Variants in ANAPC2 observed in about 807,000 individuals in gnomAD.
ANAPC2 encodes the protein anaphase-promoting complex subunit 2.
A neutral mutation model predicts 84.3 loss-of-function variants in ANAPC2; 29 were observed. That is an observed-to-expected ratio of 0.34 (90% CI 0.26 to 0.47). ANAPC2 has a LOEUF of 0.47. Ranked by LOEUF, ANAPC2 falls within the 20% of genes least tolerant of loss-of-function variation. The probability of loss-of-function intolerance (pLI) is 1.00; values close to 1 mark genes in which losing one functional copy is unlikely to be tolerated. For synonymous variants in ANAPC2, 571 were observed against 479.4 expected (o/e 1.19, Z -2.50); for missense variants, 857 against 1,131.7 (o/e 0.76, Z 3.48).
At position 137,175,001 on chromosome 9, in the gene ANAPC2, G is replaced by C. The variant is rs753601681; in HGVS notation, c.2410C>G (p.Arg804Gly). 6.2e-7 allele frequency: 1 copy of C among 1,604,240 alleles called. No homozygotes were observed. The highest frequency in any genetic ancestry group is 8.5e-7 in the Non-Finnish European group (1 of 1,176,506). ...ELQGYLQKKV[R>G]DQQLVYSAGV... Reference sequence around the variant, plus strand: ...GCCGAGTAGACGAGCTGCTGGTCCCGCACCTTCTTCTGCAGGTAGCCCTGC... The same window carrying C: ...GCCGAGTAGACGAGCTGCTGGTCCCCCACCTTCTTCTGCAGGTAGCCCTGC... The change falls in exon 13 of 13, where the codon CGG (arginine) becomes GGG (glycine). Residue 804 changes from arginine to glycine, a missense_variant. Arg to Gly is a moderately radical substitution (Grantham distance 125). Around this residue, in one of 3 missense-constraint regions of ANAPC2, gnomAD observed 425 missense variants for 595.5 expected, o/e 0.71. Transcript: ENST00000323927.
intron 6 of ANAPC2, among the ~76,000 whole-genome samples, chr9:137,182,737 G>A (rs1408432660): frequency 6.6e-6 from 1 of 152,178 alleles, no homozygotes; most frequent in Non-Finnish European, 1.5e-5. Flanking sequence ...ACAGCCCCAG[G>A]AGTGTCTGTT....
At chr9:137,183,954 G>A (rs997962520) in intron 4 of ANAPC2, among the ~76,000 whole-genome samples, 163 bp from the exon 5 acceptor site, 1 of 152,204 alleles carries the variant, frequency 6.6e-6, no homozygotes, top group Non-Finnish European at 1.5e-5. Context: ...ACTCTGGCGT[G>A]CTGATGCATT....
chr9:137,188,216 G>C (rs1391273455), intron 1 of ANAPC2, 113 bp from the exon 2 acceptor site: 13 of 1,422,922 alleles, frequency 9.1e-6, no homozygotes, highest in Middle Eastern at 2.0e-4. Flanking sequence ...CCCTGTCCGT[G>C]CTGCCCGGAC....
chr9:137,183,209 A>G lies in ANAPC2; in HGVS notation c.1202T>C (p.Ile401Thr), dbSNP rs775270106. ...VNTCDIITLY[I>T]SAIKALRVLD... ...CACGCGCAGCGCCTTGATGGCAGAG[A>G]TATAGAGGGTGATGATGTCACACGT... The change falls in exon 6 of 13, where the codon ATC (isoleucine) becomes ACC (threonine). Residue 401 changes from isoleucine to threonine, a missense_variant. Around this residue, in one of 3 missense-constraint regions of ANAPC2, gnomAD observed 425 missense variants for 595.5 expected, o/e 0.71. Transcript: ENST00000323927. 6.2e-7 allele frequency: 1 copy of G among 1,613,198 alleles called. No homozygotes were observed. The highest frequency in any genetic ancestry group is 1.1e-5 in the South Asian group (1 of 91,088).
At chr9:137,188,307 A>G in intron 1 of ANAPC2, 109 bp downstream of exon 1, 3 of 1,346,772 alleles carry the variant, frequency 2.2e-6, no homozygotes, top group Non-Finnish European at 3.0e-6. Context: ...GCAGGACAGG[A>G]CAGAGGCGGA....
intron 2 of ANAPC2, 79 bp from the exon 3 acceptor site, chr9:137,186,435 G>A (rs2131341620): frequency 1.3e-6 from 2 of 1,506,148 alleles, no homozygotes; most frequent in East Asian, 2.5e-5. Context: ...TGCCAGGACT[G>A]CCCTGCCTGT....
intron 6 of ANAPC2, 128 bp from the exon 7 acceptor site, chr9:137,181,990 G>T (rs1406971293): frequency 3.1e-6 from 3 of 974,010 alleles, no homozygotes; most frequent in Non-Finnish European, 4.4e-6. Context: ...GTGGTGATGG[G>T]CTATGTACTA....
At position 137,187,534 on chromosome 9, in the gene ANAPC2, T is replaced by C. The variant is rs1588766618; in HGVS notation, c.687A>G (p.Gln229=). ...PLCAGCSSDK[Q]QCWCRQALEQ... ...CCAGAGCCTGGCGACACCAGCACTG[T>C]TGCTTGTCACTGCTGCACCCTGCAC... Residue 229 remains glutamine, a synonymous_variant, in exon 2 of 13, where the codon CAA becomes CAG. Transcript: ENST00000323927. The C allele has an allele frequency of 6.2e-7, 1 of 1,613,566 alleles. No individual in the cohort carries two copies. The highest frequency in any genetic ancestry group is 8.5e-7 in the Non-Finnish European group (1 of 1,179,750).
In ANAPC2 at chr9:137,187,873, G is replaced by A. The variant is rs1346036789; in HGVS notation, c.348C>T (p.Gly116=). 2 of 1,613,680 alleles carry A rather than the reference G, an allele frequency of 1.2e-6. No individual in the cohort carries two copies. The highest frequency in any genetic ancestry group is 1.1e-5 in the South Asian group (1 of 91,090). Residue 116 remains glycine (G), a synonymous_variant, in exon 2 of 13, where the codon GGC becomes GGT. Coordinates refer to ENST00000323927, the MANE Select transcript of ANAPC2 (RefSeq NM_013366.4). Reference sequence around the variant, plus strand: ...AGGGATCCAGGCGGCTCTCCAGCAGGCCAAAAGCGTCAAGGAGTAGCAAAA... The same window carrying A: ...AGGGATCCAGGCGGCTCTCCAGCAGACCAAAAGCGTCAAGGAGTAGCAAAA... ...QCLLLLLDAF[G]LLESRLDPYL...
chr9:137,186,246 G>C lies in ANAPC2; in HGVS notation c.851C>G (p.Ser284Cys). The part of the protein sequence containing the change: ...EDRCRGEYER[S>C]FLREFHKWIE... ...CACCTTGTGGAACTCACGCAGGAAG[G>C]AGCGCTCGTACTCGCCCCGGCAACG... Residue 284 changes from serine to cysteine, a missense_variant, in exon 3 of 13, where the codon TCC becomes TGC. Transcript: ENST00000323927. The C allele has an allele frequency of 6.2e-7, 1 of 1,612,628 alleles. No individual in the cohort carries two copies.
Position 137,188,475 on chromosome 9 carries a change from A to G in ANAPC2, c.58T>C (p.Leu20=). ...CTCACGGTGTTCCAGGCCACTAACA[A>G]CTCCTGTCCGGGCCGGGAGTCGCTG... ...GDSDSRPGQE[L]LVAWNTVSTG... The change falls in exon 1 of 13, where the codon TTG becomes CTG. Residue 20 remains leucine, a synonymous_variant. Coordinates refer to ENST00000323927, the MANE Select transcript of ANAPC2 (RefSeq NM_013366.4). 1 of 1,608,448 alleles carries G rather than the reference A, an allele frequency of 6.2e-7. No individual in the cohort carries two copies. The highest frequency in any genetic ancestry group is 2.2e-5 in the East Asian group (1 of 44,604).
At position 137,181,033 on chromosome 9, in the gene ANAPC2, C is replaced by T. The variant is rs1248892786; in HGVS notation, c.1469-104G>A. 33 of 1,455,334 alleles carry T rather than the reference C, an allele frequency of 2.3e-5. No individual in the cohort carries two copies. In the East Asian group the frequency reaches 6.9e-4, roughly 30 times the overall value. 90.2% of individuals were successfully genotyped at this position (1,455,334 alleles called of 1,614,324 possible). A position where few individuals can be genotyped will look rare whatever the true frequency, so the allele number is the denominator to read the frequency against. On this transcript the variant is annotated intron_variant, in intron 7 of 12. Coordinates refer to ENST00000323927, the MANE Select transcript of ANAPC2 (RefSeq NM_013366.4). ...CCAGACGGCACAGCCCAGCATGGCT[C>T]TTCCTGAAGGCCCTCGAGGCTGGGA...
intron 12 of ANAPC2, 37 bp from the exon 13 acceptor site, chr9:137,175,191 G>A (rs1462715775): frequency 2.5e-6 from 4 of 1,603,270 alleles, no homozygotes; most frequent in Admixed American, 3.4e-5. Flanking sequence ...GGCACCTGCA[G>A]GCCTCGCCCC....
chr9:137,182,651 G>A (rs1488452098), intron 6 of ANAPC2, among the ~76,000 whole-genome samples: 5 of 152,206 alleles, frequency 3.3e-5, no homozygotes, highest in Non-Finnish European at 7.3e-5. Context: ...CCAGCCCCGG[G>A]CCAGGGCCTC....
chr9:137,177,855 G>C (rs1025005809), intron 10 of ANAPC2, among the ~76,000 whole-genome samples: 2 of 152,164 alleles, frequency 1.3e-5, no homozygotes, highest in Non-Finnish European at 2.9e-5. Context: ...CATCACGGGC[G>C]ACGCGGCAGA....
At chr9:137,182,881 G>A (rs1471294586) in intron 6 of ANAPC2, among the ~76,000 whole-genome samples, 1 of 152,230 alleles carries the variant, frequency 6.6e-6, no homozygotes, top group Admixed American at 6.5e-5. Flanking sequence ...CTGAGGAAGG[G>A]CTGTGGTGGG....
chr9:137,186,228 T>A lies in ANAPC2; in HGVS notation c.869A>T (p.His290Leu). 1 of 1,612,638 alleles carries A rather than the reference T, an allele frequency of 6.2e-7. No individual in the cohort carries two copies. Among genetic ancestry groups the A allele is most frequent in the South Asian group, 1.1e-5 (1 of 91,076 alleles). The change falls in exon 3 of 13, where the codon CAC (histidine) becomes CTC (leucine). Residue 290 changes from histidine to leucine, a missense_variant. Physicochemically the swap from His to Leu is moderately conservative, Grantham distance 99. Transcript: ENST00000323927. The stretch of plus-strand genomic sequence containing the variant: ...GCCCAAGGGAGGGGTCCTCACCTTG[T>A]GGAACTCACGCAGGAAGGAGCGCTC... ...EYERSFLREFHKWIERVVGWL... is the reference protein window; with the variant it reads ...EYERSFLREFLKWIERVVGWL...
Position 137,183,736 on chromosome 9 carries a change from C to T in ANAPC2, c.1104G>A (p.Thr368=), listed in dbSNP as rs147557615. Residue 368 remains threonine (T), a synonymous_variant, in exon 5 of 13, where the codon ACG becomes ACA. Transcript: ENST00000323927. ...IEDLKYCLER[T]DQRQQLLVSL... is the part of the protein sequence containing the mutation. Reference sequence around the variant, plus strand: ...ACACGAGCAGCTGCTGCCTCTGGTCCGTCCTCTCCAGGCAGTACTTGAGGT... The same window carrying T: ...ACACGAGCAGCTGCTGCCTCTGGTCTGTCCTCTCCAGGCAGTACTTGAGGT... The T allele has an allele frequency of 2.7e-5, 44 of 1,613,158 alleles. No homozygotes were observed. The highest frequency in any genetic ancestry group is 1.6e-4 in the Middle Eastern group (1 of 6,084).
At chr9:137,182,518 A>AT (rs1834365881) in intron 6 of ANAPC2, among the ~76,000 whole-genome samples, 2 of 152,012 alleles carry the variant, frequency 1.3e-5, no homozygotes, top group African/African-American at 4.8e-5. Context: ...CAAAAAAAAA[A>AT]GAAAAAACAA....
Sources: allele counts gnomAD v4.1 joint callset (sites outside exome capture counted in the v4.1 genomes callset), GRCh38; gene constraint gnomAD v4.1.1; regional missense constraint gnomAD v4.1.1; transcripts MANE v1.5; gene names NCBI Gene and HGNC (gene_info 2026-07-23, HGNC 2026-07-21).